SPATA16: variants seen among roughly 807,000 people sequenced by gnomAD.
SPATA16 encodes spermatogenesis associated 16, also known as spermatogenesis-associated protein 16.
A neutral mutation model predicts 63.3 loss-of-function variants in SPATA16; 36 were observed. The ratio of observed to expected loss-of-function variants is 0.57; its 90% CI spans 0.44 to 0.75. SPATA16 has a LOEUF of 0.75. Ranked by LOEUF, SPATA16 falls within the 30% of genes least tolerant of loss-of-function variation. The pLI, the probability that SPATA16 is intolerant of heterozygous loss-of-function variation, is 0.00. For synonymous variants in SPATA16, 203 were observed against 216.7 expected, an observed-to-expected ratio of 0.94 and a Z score of 0.56; for missense variants, 646 against 679.3, an observed-to-expected ratio of 0.95 and a Z score of 0.54.
Position 172,889,479 on chromosome 3 carries a change from A to G in SPATA16, c.*91T>C. 1 of 1,582,342 alleles carries G rather than the reference A, an allele frequency of 6.3e-7. No individual in the cohort carries two copies. Among genetic ancestry groups the G allele is most frequent in the Non-Finnish European group, 8.6e-7 (1 of 1,156,810 alleles). Reference sequence around the variant, plus strand: ...TTTCTTTTGGTGACAAGCTTTTGTTATCCAGCTTCACAGTACTAGGTGGGC... The same window carrying G: ...TTTCTTTTGGTGACAAGCTTTTGTTGTCCAGCTTCACAGTACTAGGTGGGC... On this transcript the variant is annotated 3_prime_UTR_variant, in exon 11 of 11. Transcript: ENST00000351008.
At chr3:173,035,908 G>C (rs1735705555) in intron 3 of SPATA16, among the ~76,000 whole-genome samples, 1 of 151,424 alleles carries the variant, frequency 6.6e-6, no homozygotes, top group Non-Finnish European at 1.5e-5. Flanking sequence ...ATACCAAACT[G>C]TTCTGGTATT....
chr3:172,994,916 ATTTAAG>A (rs770095814), intron 4 of SPATA16, among the ~76,000 whole-genome samples: 3 of 152,240 alleles, frequency 2.0e-5, no homozygotes, highest in Non-Finnish European at 2.9e-5. Context: ...ACCAGTAAAA[ATTTAAG>A]TTTAGAACAT....
intron 2 of SPATA16, among the ~76,000 whole-genome samples, chr3:173,087,410 A>G (rs1004725099): frequency 1.3e-5 from 2 of 152,072 alleles, no homozygotes; most frequent in African/African-American, 2.4e-5. Context: ...TTTTGAGCCT[A>G]TGTGTGTCTT....
intron 3 of SPATA16, among the ~76,000 whole-genome samples, chr3:173,022,330 C>T (rs558372809): frequency 4.6e-5 from 7 of 152,066 alleles, no homozygotes; most frequent in Non-Finnish European, 1.0e-4. Flanking sequence ...ATATGATTCC[C>T]GGCTTCATAA....
intron 4 of SPATA16, among the ~76,000 whole-genome samples, chr3:172,981,167 T>C (rs1280506548): frequency 6.6e-6 from 1 of 152,220 alleles, no homozygotes; most frequent in Non-Finnish European, 1.5e-5. Context: ...TTCTCGTTGC[T>C]GTTTTCATCC....
Position 173,093,076 on chromosome 3 carries a change from C to CACACACACAT in SPATA16, c.612+24043_612+24044insATGTGTGTGT, listed in dbSNP as rs372317726. ...ACACACACACACACACACACACACACATATATATATATATGTTTCAAGTTA... is the reference window on the plus strand; with the variant it reads ...ACACACACACACACACACACACACACACACACACATATATATATATATATGTTTCAAGTTA... On this transcript the variant is annotated intron_variant, in intron 2 of 10. Transcript: ENST00000351008. Among the ~76,000 whole-genome samples the CACACACACAT allele has an allele frequency of 1.8e-3, 265 of 144,030 alleles. 1 individual carries two copies. The highest frequency in any genetic ancestry group is 7.8e-3 in the East Asian group (38 of 4,862). The allele number at this position is 144,030 out of a possible 152,430, so 94.5% of individuals were successfully genotyped here. A position where few individuals can be genotyped will look rare whatever the true frequency, so the allele number is the denominator to read the frequency against.
chr3:172,990,330 TAAGTG>T (rs1208062033), intron 4 of SPATA16, among the ~76,000 whole-genome samples: 1 of 152,210 alleles, frequency 6.6e-6, no homozygotes, highest in Non-Finnish European at 1.5e-5. Context: ...GTGATTTTGT[TAAGTG>T]AAGGGAGGCA....
chr3:173,048,735 A>G (rs1736011874), intron 3 of SPATA16, among the ~76,000 whole-genome samples: 1 of 152,150 alleles, frequency 6.6e-6, no homozygotes, highest in Non-Finnish European at 1.5e-5. Flanking sequence ...TTTGCCCTGC[A>G]TTATGAATAG....
At chr3:172,981,274 C>A (rs1484167594) in intron 4 of SPATA16, among the ~76,000 whole-genome samples, 2 of 152,152 alleles carry the variant, frequency 1.3e-5, no homozygotes, top group African/African-American at 4.8e-5. Flanking sequence ...GCTTCTCCAT[C>A]GGTTTATTCT....
intron 6 of SPATA16, among the ~76,000 whole-genome samples, chr3:172,929,783 A>C (rs556713820): frequency 1.5e-4 from 23 of 152,344 alleles, no homozygotes; most frequent in Non-Finnish European, 2.5e-4. Flanking sequence ...TGGCATTTCC[A>C]AATACCTACT....
intron 7 of SPATA16, among the ~76,000 whole-genome samples, chr3:172,924,630 C>T (rs762204471): frequency 8.5e-5 from 13 of 152,120 alleles, no homozygotes; most frequent in East Asian, 1.9e-4. Context: ...TGAAAAAATG[C>T]GTCATAAATG....
intron 2 of SPATA16, among the ~76,000 whole-genome samples, chr3:173,064,320 CAAAAAAA>C (rs59773490): frequency 1.7e-5 from 1 of 57,670 alleles, no homozygotes; most frequent in African/African-American, 7.0e-5. Flanking sequence ...ACACGCACAC[CAAAAAAA>C]AAAAAAAAAA....
chr3:173,115,719 C>T (rs1228045671), intron 2 of SPATA16, among the ~76,000 whole-genome samples: 1 of 152,024 alleles, frequency 6.6e-6, no homozygotes, highest in Non-Finnish European at 1.5e-5. Flanking sequence ...TTAGGGACAC[C>T]ATTGTCTGGT....
intron 5 of SPATA16, among the ~76,000 whole-genome samples, chr3:172,976,033 G>A (rs1380653312): frequency 1.3e-5 from 2 of 151,998 alleles, no homozygotes; most frequent in Non-Finnish European, 2.9e-5. Context: ...CAAAAGGTTC[G>A]TATTCAATTA....
intron 8 of SPATA16, among the ~76,000 whole-genome samples, chr3:172,919,687 T>A (rs1433449624): frequency 6.6e-6 from 1 of 152,100 alleles, no homozygotes; most frequent in Non-Finnish European, 1.5e-5. Flanking sequence ...TTCTTTATTT[T>A]TTTTTTTTGA....
At chr3:172,946,450 G>A (rs1577100701) in intron 6 of SPATA16, among the ~76,000 whole-genome samples, 1 of 68,768 alleles carries the variant, frequency 1.5e-5, no homozygotes, top group Non-Finnish European at 2.9e-5. Context: ...CTGGGCCAAA[G>A]GGAAGCCTCC....
intron 9 of SPATA16, among the ~76,000 whole-genome samples, 167 bp downstream of exon 9, chr3:172,916,150 T>G (rs1732478503): frequency 6.6e-6 from 1 of 152,150 alleles, no homozygotes; most frequent in African/African-American, 2.4e-5. Context: ...ACACACACCT[T>G]CCTACATTTT....
chr3:173,131,161 AAT>A (rs1327134394), intron 1 of SPATA16, among the ~76,000 whole-genome samples: 1 of 152,176 alleles, frequency 6.6e-6, no homozygotes, highest in Non-Finnish European at 1.5e-5. Context: ...TTGGAAAAAA[AAT>A]TTTGGTTTGT....
chr3:173,122,701 T>C (rs890792660), intron 1 of SPATA16, among the ~76,000 whole-genome samples: 1 of 152,194 alleles, frequency 6.6e-6, no homozygotes, highest in Non-Finnish European at 1.5e-5. Context: ...CTAGGTCATA[T>C]GAGAGAAACT....
Sources: gnomAD v4.1 joint callset for allele counts (sites outside exome capture counted in the v4.1 genomes callset) on GRCh38, gnomAD v4.1.1 for gene constraint, MANE v1.5 for transcripts, NCBI Gene and HGNC (gene_info 2026-07-23, HGNC 2026-07-21) for gene names.